Variants in ETFRF1 observed in about 807,000 individuals in gnomAD.
ETFRF1 encodes the protein electron transfer flavoprotein regulatory factor 1.
In ETFRF1, 12 loss-of-function variants were observed where a neutral mutation model predicts 9.0. The observed-to-expected ratio is 1.34, with a 90% CI of 0.86 to 2.16. ETFRF1 has a LOEUF of 2.16. Ranked by LOEUF, ETFRF1 falls within the 30% of genes most tolerant of loss-of-function variation. ETFRF1 has a pLI of 0.00. For missense variants in ETFRF1, 98 were observed against 101.8 expected, an observed-to-expected ratio of 0.96 and a Z score of 0.16; for synonymous variants, 34 against 33.2, an observed-to-expected ratio of 1.02 and a Z score of -0.08.
In ETFRF1 at chr12:25,204,659, G is replaced by A. The variant is rs551852072; in HGVS notation, c.*347G>A. On this transcript the variant is annotated 3_prime_UTR_variant, in exon 3 of 3. Transcript: ENST00000381356. ...TACTGACAAGAGAATGCCATTTACC[G>A]AACATTTAATAAGCAAAATAATTTC... 1.7e-4 allele frequency: 34 copies of A among 195,816 alleles called. No individual in the cohort carries two copies. The highest frequency in any genetic ancestry group is 3.2e-4 in the Non-Finnish European group (31 of 95,814). The allele number at this position is 195,816 out of a possible 1,614,324, so 12.1% of individuals were successfully genotyped here.
intron 1 of ETFRF1, among the ~76,000 whole-genome samples, chr12:25,203,410 T>C (rs190745526): frequency 1.3e-5 from 2 of 152,358 alleles, no homozygotes; most frequent in East Asian, 3.9e-4. Context: ...ACCCAGTTTC[T>C]GCTAGTTTTC....
At chr12:25,195,446 A>C (rs1049330827) in intron 1 of ETFRF1, 109 bp downstream of exon 1, 2 of 461,350 alleles carry the variant, frequency 4.3e-6, no homozygotes, top group African/African-American at 3.9e-5. Flanking sequence ...GAGGGTTCTG[A>C]GCGTCTCCTG....
At chr12:25,198,603 A>C (rs1028764386) in intron 1 of ETFRF1, among the ~76,000 whole-genome samples, 2 of 152,216 alleles carry the variant, frequency 1.3e-5, no homozygotes, top group African/African-American at 4.8e-5. Context: ...CAGAAAAGCA[A>C]TTTGAAGTAA....
chr12:25,204,120 A>G lies in ETFRF1; in HGVS notation c.81A>G (p.Lys27=). ...TGTATCTTGGACGAGACTATCCAAA[A>G]GGAGCAGACTATTTTAAAAAGCGTT... ...NLLYLGRDYP[K]GADYFKKRLK... Residue 27 remains lysine (K), a synonymous_variant, in exon 3 of 3, where the codon AAA becomes AAG. Coordinates refer to ENST00000381356, the MANE Select transcript of ETFRF1 (RefSeq NM_001001660.3). 1 of 1,599,320 alleles carries G rather than the reference A, an allele frequency of 6.3e-7. No homozygotes were observed. The highest frequency in any genetic ancestry group is 8.5e-7 in the Non-Finnish European group (1 of 1,171,574).
chr12:25,196,752 G>C (rs1951020672), intron 1 of ETFRF1, among the ~76,000 whole-genome samples: 1 of 152,196 alleles, frequency 6.6e-6, no homozygotes, highest in African/African-American at 2.4e-5. Flanking sequence ...AGCAGCCTCA[G>C]GGCCCTGCTG....
chr12:25,203,365 T>C (rs1164586471), intron 1 of ETFRF1, among the ~76,000 whole-genome samples: 3 of 152,224 alleles, frequency 2.0e-5, no homozygotes, highest in Non-Finnish European at 4.4e-5. Context: ...ACCACCAATC[T>C]TACTGCCCAT....
chr12:25,195,434 A>G (rs1950967589), intron 1 of ETFRF1, 97 bp downstream of exon 1: 1 of 486,270 alleles, frequency 2.1e-6, no homozygotes. Context: ...CGGGTGTGGG[A>G]AGAGGGTTCT....
At chr12:25,197,318 T>C (rs960220947) in intron 1 of ETFRF1, among the ~76,000 whole-genome samples, 7 of 152,232 alleles carry the variant, frequency 4.6e-5, no homozygotes, top group Non-Finnish European at 7.3e-5. Context: ...GCCAGGTCCC[T>C]GAAAGCTTTC....
chr12:25,204,858 A>C lies in ETFRF1; in HGVS notation c.*546A>C. On this transcript the variant is annotated 3_prime_UTR_variant, in exon 3 of 3. Transcript: ENST00000381356. ...TGGAGTCATTACTTCTGACCTTGAA[A>C]TAGCCTGCTGGTGACTGGCATTAAC... The C allele has an allele frequency of 5.1e-6, 1 of 197,172 alleles. No homozygotes were observed. Among genetic ancestry groups the C allele is most frequent in the Non-Finnish European group, 1.1e-5 (1 of 94,666 alleles). 12.2% of individuals were successfully genotyped at this position (197,172 alleles called of 1,614,324 possible). A position where few individuals can be genotyped will look rare whatever the true frequency, so the allele number is the denominator to read the frequency against.
chr12:25,198,071 C>T (rs1159157445), intron 1 of ETFRF1, among the ~76,000 whole-genome samples: 3 of 152,280 alleles, frequency 2.0e-5, no homozygotes, highest in East Asian at 3.9e-4. Flanking sequence ...GAAACACGCA[C>T]CCTGAAATTG....
intron 1 of ETFRF1, among the ~76,000 whole-genome samples, chr12:25,200,028 G>A (rs1416998837): frequency 6.6e-6 from 1 of 152,092 alleles, no homozygotes; most frequent in Non-Finnish European, 1.5e-5. Flanking sequence ...TGGCCAACAT[G>A]GTGAAAAGCC....
In ETFRF1 at chr12:25,195,349, C is replaced by T. The variant is rs1325732224; in HGVS notation, c.-38+12C>T. The T allele has an allele frequency of 1.5e-5, 9 of 594,654 alleles. No homozygotes were observed. The highest frequency in any genetic ancestry group is 3.7e-5 in the African/African-American group (2 of 53,730). 36.8% of individuals were successfully genotyped at this position (594,654 alleles called of 1,614,324 possible). On this transcript the variant is annotated intron_variant, in intron 1 of 2. Transcript: ENST00000381356. The stretch of plus-strand genomic sequence containing the variant: ...CGGCGTGCCGGAAAGTGCGTGAGTG[C>T]CGCCGCCGGGGAGTTTTGTTCCATT...
At chr12:25,203,875 A>T in intron 1 of ETFRF1, 45 bp from the exon 2 acceptor site, 1 of 1,054,494 alleles carries the variant, frequency 9.5e-7, no homozygotes, top group Middle Eastern at 3.2e-4. Flanking sequence ...TTATTTTTTT[A>T]AGACTACAAT....
At chr12:25,198,244 G>T (rs1219024806) in intron 1 of ETFRF1, among the ~76,000 whole-genome samples, 1 of 152,130 alleles carries the variant, frequency 6.6e-6, no homozygotes, top group East Asian at 1.9e-4. Flanking sequence ...AAAGTTAAGT[G>T]AATTTAGGAA....
Position 25,204,341 on chromosome 12 carries a change from G to A in ETFRF1, c.*29G>A. On this transcript the variant is annotated 3_prime_UTR_variant, in exon 3 of 3. Transcript: ENST00000381356. ...TTACTACTTTAATTTAGCTATCAGT[G>A]CCAGCTGTTTATGTATACCAGATGT... 6.7e-7 allele frequency: 1 copy of A among 1,494,184 alleles called. No homozygotes were observed. The highest frequency in any genetic ancestry group is 9.0e-7 in the Non-Finnish European group (1 of 1,115,018). 92.6% of individuals were successfully genotyped at this position (1,494,184 alleles called of 1,614,324 possible).
In ETFRF1 at chr12:25,203,928, T is replaced by G. The variant is rs562038252; in HGVS notation, c.-29T>G. 9.1e-6 allele frequency: 13 copies of G among 1,422,156 alleles called. No homozygotes were observed. The East Asian group carries it at 2.6e-4, about 28-fold the overall frequency. The allele number at this position is 1,422,156 out of a possible 1,614,324, so 88.1% of individuals were successfully genotyped here. A position where few individuals can be genotyped will look rare whatever the true frequency, so the allele number is the denominator to read the frequency against. ...AATTTTCCTTTCTTTAGGTATGTTA[T>G]GCATAAAAGTGGATAATTTACATGA... On this transcript the variant is annotated 5_prime_UTR_variant, in exon 2 of 3. The change abolishes an upstream ATG in the 5' untranslated region. Transcript: ENST00000381356.
intron 1 of ETFRF1, 35 bp from the exon 2 acceptor site, chr12:25,203,885 T>C (rs573088369): frequency 9.3e-6 from 11 of 1,179,730 alleles, no homozygotes; most frequent in African/African-American, 6.3e-5. Context: ...AAGACTACAA[T>C]GCAGCTAATT....
rs1288998882 is a variant in ETFRF1 at position 25,204,101 on chromosome 12, T to C, written c.62T>C (p.Leu21Pro). The part of the protein sequence containing the change: ...VLKLYKNLLY[L>P]GRDYPKGADY... ...TCTTTCTTTTTGAAGCTGCTGTATC[T>C]TGGACGAGACTATCCAAAAGGAGCA... The change falls in exon 3 of 3, where the codon CTT becomes CCT. Residue 21 changes from leucine to proline, a missense_variant. Transcript: ENST00000381356. 2 of 1,584,592 alleles carry C rather than the reference T, an allele frequency of 1.3e-6. No individual in the cohort carries two copies. The highest frequency in any genetic ancestry group is 3.6e-5 in the Admixed American group (2 of 54,968).
rs1037822311 is a variant in ETFRF1 at position 25,204,423 on chromosome 12, G to C, written c.*111G>C. The C allele has an allele frequency of 3.7e-5, 32 of 857,136 alleles. No homozygotes were observed. Among genetic ancestry groups the C allele is most frequent in the Non-Finnish European group, 4.8e-5 (29 of 602,380 alleles). 53.1% of individuals were successfully genotyped at this position (857,136 alleles called of 1,614,324 possible). ...TATACATGTTGTGTAAAAAATCCCT[G>C]AGCTGCCCTACTGAACTAAATAGGT... On this transcript the variant is annotated 3_prime_UTR_variant, in exon 3 of 3. Coordinates refer to ENST00000381356, the MANE Select transcript of ETFRF1 (RefSeq NM_001001660.3).
Sources: gnomAD v4.1 joint callset for allele counts (sites outside exome capture counted in the v4.1 genomes callset) on GRCh38, gnomAD v4.1.1 for gene constraint, MANE v1.5 for transcripts, NCBI Gene and HGNC (gene_info 2026-07-23, HGNC 2026-07-21) for gene names.